ATXN7L3B: variants seen among roughly 807,000 people sequenced by gnomAD.
The protein encoded by ATXN7L3B is ataxin-7-like protein 3B.
ATXN7L3B carries 4 observed loss-of-function variants against 6.3 expected under a neutral mutation model. The ratio of observed to expected loss-of-function variants is 0.63; its 90% CI spans 0.31 to 1.45. ATXN7L3B has a LOEUF of 1.45. Ranked by LOEUF, ATXN7L3B falls within the 40% of genes most tolerant of loss-of-function variation. The probability of loss-of-function intolerance (pLI) is 0.07; values close to 1 mark genes in which losing one functional copy is unlikely to be tolerated. For missense variants in ATXN7L3B, 120 were observed against 118.5 expected (o/e 1.01, Z -0.06); for synonymous variants, 63 against 48.0 (o/e 1.31, Z -1.29).
Position 74,539,657 on chromosome 12 carries a change from C to T in ATXN7L3B, c.*1251C>T. 6.0e-6 allele frequency: 1 copy of T among 167,234 alleles called. No homozygotes were observed. The allele number at this position is 167,234 out of a possible 1,614,324, so 10.4% of individuals were successfully genotyped here. On this transcript the variant is annotated 3_prime_UTR_variant, in exon 1 of 1. Coordinates refer to ENST00000519948, the MANE Select transcript of ATXN7L3B (RefSeq NM_001136262.2). Reference sequence around the variant, plus strand: ...CCTTTCCACTCGGTCCCCTTTGGATCTTCTTGACAACAGGAGCAGTCCTTT... The same window carrying T: ...CCTTTCCACTCGGTCCCCTTTGGATTTTCTTGACAACAGGAGCAGTCCTTT...
Position 74,540,407 on chromosome 12 carries a change from T to A in ATXN7L3B, c.*2001T>A, listed in dbSNP as rs1030585804. On this transcript the variant is annotated 3_prime_UTR_variant, in exon 1 of 1. Transcript: ENST00000519948. ...CTCACCCTTGCTGTGCATGTATCAA[T>A]CCTTATCCCAGAAGGTACTATTTAG... The A allele has an allele frequency of 6.0e-6, 1 of 167,098 alleles. No homozygotes were observed. The highest frequency in any genetic ancestry group is 1.5e-5 in the Non-Finnish European group (1 of 68,150). 10.4% of individuals were successfully genotyped at this position (167,098 alleles called of 1,614,324 possible).
Position 74,539,052 on chromosome 12 carries a change from A to T in ATXN7L3B, c.*646A>T, listed in dbSNP as rs1868810712. The T allele has an allele frequency of 6.0e-6, 1 of 167,554 alleles. No homozygotes were observed. The highest frequency in any genetic ancestry group is 1.5e-5 in the Non-Finnish European group (1 of 68,482). 10.4% of individuals were successfully genotyped at this position (167,554 alleles called of 1,614,324 possible). A position where few individuals can be genotyped will look rare whatever the true frequency, so the allele number is the denominator to read the frequency against. On this transcript the variant is annotated 3_prime_UTR_variant, in exon 1 of 1. Coordinates refer to ENST00000519948, the MANE Select transcript of ATXN7L3B (RefSeq NM_001136262.2). ...AGTCCAGACTACAATGATTCAGCTG[A>T]CTTGAGGACAAGGCCTAGCATTTGG...
rs914208322 is a variant in ATXN7L3B, at chr12:74,539,286, C to T, written c.*880C>T. The T allele has an allele frequency of 6.0e-6, 1 of 166,950 alleles. No individual in the cohort carries two copies. Among genetic ancestry groups the T allele is most frequent in the African/African-American group, 2.4e-5 (1 of 41,400 alleles). 10.3% of individuals were successfully genotyped at this position (166,950 alleles called of 1,614,324 possible). On this transcript the variant is annotated 3_prime_UTR_variant, in exon 1 of 1. Transcript: ENST00000519948. ...ATAAGTTTAGTAGGGCGGTCATTTC[C>T]TACTCTGAGTTACTGGTTACCTAGC...
chr12:74,538,356 G>A lies in ATXN7L3B; in HGVS notation c.244G>A (p.Gly82Arg), dbSNP rs375489387. 2.6e-6 allele frequency: 4 copies of A among 1,551,936 alleles called. No homozygotes were observed. The highest frequency in any genetic ancestry group is 2.4e-5 in the East Asian group (1 of 40,928). The change falls in exon 1 of 1, where the codon GGG becomes AGG. Residue 82 changes from glycine (G) to arginine (R), a missense_variant. Gly to Arg is a moderately radical substitution (Grantham distance 125). Coordinates refer to ENST00000519948, the MANE Select transcript of ATXN7L3B (RefSeq NM_001136262.2). ...LPLCSLPGEP[G>R]NGPDQQLQRS... ...GCTTTGCTCCCTTCCCGGAGAACCTGGGAATGGGCCTGATCAGCAGCTGCA... is the reference window on the plus strand; with the variant it reads ...GCTTTGCTCCCTTCCCGGAGAACCTAGGAATGGGCCTGATCAGCAGCTGCA...
In ATXN7L3B at chr12:74,542,730, C is replaced by G. The variant is rs1042501577; in HGVS notation, c.*4324C>G. On this transcript the variant is annotated 3_prime_UTR_variant, in exon 1 of 1. Coordinates refer to ENST00000519948, the MANE Select transcript of ATXN7L3B (RefSeq NM_001136262.2). The stretch of plus-strand genomic sequence containing the variant: ...AAGTGTACTGAAGTAACTAAAAATT[C>G]AGGAAGAACTTTCTTGTGCACACAT... The G allele has an allele frequency of 6.6e-6, 1 of 152,092 alleles. No homozygotes were observed. Among genetic ancestry groups the G allele is most frequent in the Non-Finnish European group, 1.5e-5 (1 of 67,980 alleles). The allele number at this position is 152,092 out of a possible 1,614,324, so 9.4% of individuals were successfully genotyped here. A position where few individuals can be genotyped will look rare whatever the true frequency, so the allele number is the denominator to read the frequency against.
rs1037012395 is a variant in ATXN7L3B at position 74,544,715 on chromosome 12, T to C, written c.*6309T>C. 6.6e-6 allele frequency: 1 copy of C among 152,020 alleles called. No homozygotes were observed. The highest frequency in any genetic ancestry group is 2.4e-5 in the African/African-American group (1 of 41,434). The allele number at this position is 152,020 out of a possible 1,614,324, so 9.4% of individuals were successfully genotyped here. On this transcript the variant is annotated 3_prime_UTR_variant, in exon 1 of 1. Coordinates refer to ENST00000519948, the MANE Select transcript of ATXN7L3B (RefSeq NM_001136262.2). ...ATAGGAGGATGTGTTCATAATTGTG[T>C]ATAAGGGGAAAATTTCTTAAAAGTA...
chr12:74,538,095 A>T lies in ATXN7L3B; in HGVS notation c.-18A>T, dbSNP rs1183547354. ...TGAGTAAAACGAGCGCCCTCTCCGCACTCGTTTACAAATTAAAATGGAGGA... is the reference window on the plus strand; with the variant it reads ...TGAGTAAAACGAGCGCCCTCTCCGCTCTCGTTTACAAATTAAAATGGAGGA... On this transcript the variant is annotated 5_prime_UTR_variant, in exon 1 of 1. Coordinates refer to ENST00000519948, the MANE Select transcript of ATXN7L3B (RefSeq NM_001136262.2). 1.3e-6 allele frequency: 2 copies of T among 1,549,074 alleles called. No individual in the cohort carries two copies. The highest frequency in any genetic ancestry group is 1.7e-6 in the Non-Finnish European group (2 of 1,144,810).
rs1323203226 is a variant in ATXN7L3B, at chr12:74,540,794, C to T, written c.*2388C>T. 6.0e-6 allele frequency: 1 copy of T among 167,074 alleles called. No homozygotes were observed. Among genetic ancestry groups the T allele is most frequent in the Non-Finnish European group, 1.5e-5 (1 of 68,124 alleles). The allele number at this position is 167,074 out of a possible 1,614,324, so 10.3% of individuals were successfully genotyped here. A position where few individuals can be genotyped will look rare whatever the true frequency, so the allele number is the denominator to read the frequency against. ...ATAGGGAACTCAAATCCTGAAATTA[C>T]TGTTTTCTTTCTGGCCTTTTCTCCT... is the stretch of plus-strand genomic sequence containing the variant. On this transcript the variant is annotated 3_prime_UTR_variant, in exon 1 of 1. Coordinates refer to ENST00000519948, the MANE Select transcript of ATXN7L3B (RefSeq NM_001136262.2).
chr12:74,545,221 T>C lies in ATXN7L3B; in HGVS notation c.*6815T>C, dbSNP rs543096638. 1.3e-5 allele frequency: 2 copies of C among 152,090 alleles called. No individual in the cohort carries two copies. Among genetic ancestry groups the C allele is most frequent in the Non-Finnish European group, 2.9e-5 (2 of 67,930 alleles). The allele number at this position is 152,090 out of a possible 1,614,324, so 9.4% of individuals were successfully genotyped here. On this transcript the variant is annotated 3_prime_UTR_variant, in exon 1 of 1. Coordinates refer to ENST00000519948, the MANE Select transcript of ATXN7L3B (RefSeq NM_001136262.2). The stretch of plus-strand genomic sequence containing the variant: ...CCACCTGTTGCAGCATTATATGTAA[T>C]AGGGAAAAATTGAAAGTAATATACC...
At position 74,538,445 on chromosome 12, in the gene ATXN7L3B, A is replaced by G. The variant is rs760882583; in HGVS notation, c.*39A>G. ...GTCTGAAAGTGGCCAGGACAATAAC[A>G]TAGACTGGTCCTGTGGCTTCGAGGA... On this transcript the variant is annotated 3_prime_UTR_variant, in exon 1 of 1. Transcript: ENST00000519948. 31 of 1,522,274 alleles carry G rather than the reference A, an allele frequency of 2.0e-5. No homozygotes were observed. The highest frequency in any genetic ancestry group is 2.6e-5 in the Non-Finnish European group (29 of 1,127,784). 94.3% of individuals were successfully genotyped at this position (1,522,274 alleles called of 1,614,324 possible).
chr12:74,540,769 A>G lies in ATXN7L3B; in HGVS notation c.*2363A>G, dbSNP rs1868871618. ...CACAGTCCAATCCCTCTGCCTTCAG[A>G]TAGGGAACTCAAATCCTGAAATTAC... On this transcript the variant is annotated 3_prime_UTR_variant, in exon 1 of 1. Coordinates refer to ENST00000519948, the MANE Select transcript of ATXN7L3B (RefSeq NM_001136262.2). 2 of 167,150 alleles carry G rather than the reference A, an allele frequency of 1.2e-5. No homozygotes were observed. Among genetic ancestry groups the G allele is most frequent in the Admixed American group, 1.3e-4 (2 of 15,290 alleles). The allele number at this position is 167,150 out of a possible 1,614,324, so 10.4% of individuals were successfully genotyped here.
In ATXN7L3B at chr12:74,538,225, A is replaced by G; in HGVS notation, c.113A>G (p.His38Arg). 2.5e-6 allele frequency: 4 copies of G among 1,603,556 alleles called. No homozygotes were observed. The highest frequency in any genetic ancestry group is 3.4e-6 in the Non-Finnish European group (4 of 1,174,682). ...TGTTTGGGATTCTGCTTTGAGGTGC[A>G]CCGGGCAGTCAAGTGTGGCTACTTC... ...DSCLGFCFEV[H>R]RAVKCGYFYL... is the part of the protein sequence containing the mutation. Residue 38 changes from histidine (H) to arginine (R), a missense_variant, in exon 1 of 1, where the codon CAC (histidine) becomes CGC (arginine). Coordinates refer to ENST00000519948, the MANE Select transcript of ATXN7L3B (RefSeq NM_001136262.2).
In ATXN7L3B at chr12:74,538,009, C is replaced by A; in HGVS notation, c.-104C>A. 1 of 1,113,656 alleles carries A rather than the reference C, an allele frequency of 9.0e-7. No homozygotes were observed. The highest frequency in any genetic ancestry group is 1.3e-6 in the Non-Finnish European group (1 of 787,100). 69.0% of individuals were successfully genotyped at this position (1,113,656 alleles called of 1,614,324 possible). ...CGCCACCGACCCCGCCGCCGGAGGACTGGGCACTGAAAGGCCTCTAGGCCT... is the reference window on the plus strand; with the variant it reads ...CGCCACCGACCCCGCCGCCGGAGGAATGGGCACTGAAAGGCCTCTAGGCCT... On this transcript the variant is annotated 5_prime_UTR_variant, in exon 1 of 1. It adds an upstream start codon to the 5' untranslated region. Transcript: ENST00000519948.
In ATXN7L3B at chr12:74,538,471, G is replaced by T. The variant is rs1868782281; in HGVS notation, c.*65G>T. The stretch of plus-strand genomic sequence containing the variant: ...TAGACTGGTCCTGTGGCTTCGAGGA[G>T]TAAGCTAAGTAGAAAAAAGTAGAAA... On this transcript the variant is annotated 3_prime_UTR_variant, in exon 1 of 1. Coordinates refer to ENST00000519948, the MANE Select transcript of ATXN7L3B (RefSeq NM_001136262.2). 7.2e-7 allele frequency: 1 copy of T among 1,383,214 alleles called. No homozygotes were observed. The highest frequency in any genetic ancestry group is 9.7e-7 in the Non-Finnish European group (1 of 1,030,822). The allele number at this position is 1,383,214 out of a possible 1,614,324, so 85.7% of individuals were successfully genotyped here. A position where few individuals can be genotyped will look rare whatever the true frequency, so the allele number is the denominator to read the frequency against.
At position 74,544,698 on chromosome 12, in the gene ATXN7L3B, A is replaced by T. The variant is rs1868980688; in HGVS notation, c.*6292A>T. ...AATCTTTCTAGAAAAATATAGGAGG[A>T]TGTGTTCATAATTGTGTATAAGGGG... On this transcript the variant is annotated 3_prime_UTR_variant, in exon 1 of 1. Transcript: ENST00000519948. 1 of 152,016 alleles carries T rather than the reference A, an allele frequency of 6.6e-6. No individual in the cohort carries two copies. 9.4% of individuals were successfully genotyped at this position (152,016 alleles called of 1,614,324 possible).
rs1868770399 is a variant in ATXN7L3B at position 74,538,184 on chromosome 12, C to T, written c.72C>T (p.Asp24=). The T allele has an allele frequency of 1.3e-6, 2 of 1,598,286 alleles. No homozygotes were observed. The highest frequency in any genetic ancestry group is 1.7e-6 in the Non-Finnish European group (2 of 1,172,264). ...CCATCGCTCAGGAGATTTACGTAGA[C>T]CTGATAGAGGATTCTTGTTTGGGAT... is the stretch of plus-strand genomic sequence containing the variant. ...LEAIAQEIYV[D]LIEDSCLGFC... The change falls in exon 1 of 1, where the codon GAC becomes GAT. Residue 24 remains aspartate (D), a synonymous_variant. Transcript: ENST00000519948.
rs1371185199 is a variant in ATXN7L3B at position 74,538,680 on chromosome 12, C to G, written c.*274C>G. 1.3e-5 allele frequency: 6 copies of G among 456,690 alleles called. No homozygotes were observed. The highest frequency in any genetic ancestry group is 2.1e-5 in the Non-Finnish European group (5 of 242,272). The allele number at this position is 456,690 out of a possible 1,614,324, so 28.3% of individuals were successfully genotyped here. Reference sequence around the variant, plus strand: ...TGATCTCTAAACACACCAGGATGTGCGCAAGATCCTGTAGTGCCCCCAGTG... The same window carrying G: ...TGATCTCTAAACACACCAGGATGTGGGCAAGATCCTGTAGTGCCCCCAGTG... On this transcript the variant is annotated 3_prime_UTR_variant, in exon 1 of 1. Coordinates refer to ENST00000519948, the MANE Select transcript of ATXN7L3B (RefSeq NM_001136262.2).
In ATXN7L3B at chr12:74,539,158, G is replaced by A. The variant is rs1409532196; in HGVS notation, c.*752G>A. The A allele has an allele frequency of 6.0e-6, 1 of 167,204 alleles. No individual in the cohort carries two copies. Among genetic ancestry groups the A allele is most frequent in the Admixed American group, 6.5e-5 (1 of 15,294 alleles). The allele number at this position is 167,204 out of a possible 1,614,324, so 10.4% of individuals were successfully genotyped here. On this transcript the variant is annotated 3_prime_UTR_variant, in exon 1 of 1. Transcript: ENST00000519948. The stretch of plus-strand genomic sequence containing the variant: ...GACAACTTGGTTGTCCAGACAGGTT[G>A]AGGATTCGGTTATGATCCCCTGGGG...
In ATXN7L3B at chr12:74,543,155, G is replaced by A. The variant is rs567874064; in HGVS notation, c.*4749G>A. 3 of 152,038 alleles carry A rather than the reference G, an allele frequency of 2.0e-5. No homozygotes were observed. In the East Asian group the frequency reaches 5.8e-4, roughly 29 times the overall value. The allele number at this position is 152,038 out of a possible 1,614,324, so 9.4% of individuals were successfully genotyped here. A position where few individuals can be genotyped will look rare whatever the true frequency, so the allele number is the denominator to read the frequency against. Reference sequence around the variant, plus strand: ...GAAAACATTTTCAATCATATTTCTTGAGACTCATTGGAAATATGTGAGCTA... The same window carrying A: ...GAAAACATTTTCAATCATATTTCTTAAGACTCATTGGAAATATGTGAGCTA... On this transcript the variant is annotated 3_prime_UTR_variant, in exon 1 of 1. Coordinates refer to ENST00000519948, the MANE Select transcript of ATXN7L3B (RefSeq NM_001136262.2).
Sources: allele counts gnomAD v4.1 joint callset, GRCh38; gene constraint gnomAD v4.1.1; transcripts MANE v1.5; gene names NCBI Gene and HGNC (gene_info 2026-07-23, HGNC 2026-07-21).